The following ERC2 variants were observed in gnomAD, a reference collection of about 807,000 sequenced individuals.
ERC2 encodes ERC protein 2.
Under a neutral mutation model 114.8 loss-of-function variants are expected in ERC2, and 42 were observed. The ratio of observed to expected loss-of-function variants is 0.37; its 90% confidence interval spans 0.29 to 0.47. ERC2 has a LOEUF of 0.47. Ranked by LOEUF, ERC2 falls within the 20% of genes least tolerant of loss-of-function variation. The probability of loss-of-function intolerance (pLI) is 0.99; values close to 1 mark genes in which losing one functional copy is unlikely to be tolerated. For missense variants in ERC2, 939 were observed against 1,150.7 expected, an observed-to-expected ratio of 0.82 and a Z score of 2.66; for synonymous variants, 454 against 425.5, an observed-to-expected ratio of 1.07 and a Z score of -0.82.
chr3:56,318,961 C>CA (rs35256298), intron 2 of ERC2, among the ~76,000 whole-genome samples: 5,087 of 81,332 alleles, frequency 0.063, 278 homozygotes, highest in African/African-American at 0.17. Flanking sequence ...GACCCTGTCT[C>CA]AAAAAAAAAA....
At chr3:56,215,155 A>G (rs1422354849) in intron 3 of ERC2, among the ~76,000 whole-genome samples, 2 of 152,204 alleles carry the variant, frequency 1.3e-5, no homozygotes, top group African/African-American at 4.8e-5. Context: ...TTAACCTTAA[A>G]GGTAAATTGG....
At chr3:56,449,985 G>C (rs570111640) in intron 1 of ERC2, among the ~76,000 whole-genome samples, 1 of 152,338 alleles carries the variant, frequency 6.6e-6, no homozygotes, top group Admixed American at 6.5e-5. Context: ...TAAAACTAGA[G>C]AGAAAAATGG....
chr3:55,592,110 C>A (rs921741450), intron 17 of ERC2, among the ~76,000 whole-genome samples: 1 of 152,170 alleles, frequency 6.6e-6, no homozygotes, highest in Non-Finnish European at 1.5e-5. Context: ...GTGACTGGGC[C>A]AGACTCAGCC....
At chr3:55,615,671 C>T (rs149048419) in intron 17 of ERC2, among the ~76,000 whole-genome samples, 5 of 152,296 alleles carry the variant, frequency 3.3e-5, no homozygotes, top group African/African-American at 1.2e-4. Flanking sequence ...GTACATAACA[C>T]AGGTATTTTA....
intron 3 of ERC2, among the ~76,000 whole-genome samples, chr3:56,267,470 G>T (rs1027755880): frequency 6.6e-6 from 1 of 152,030 alleles, no homozygotes; most frequent in African/African-American, 2.4e-5. Flanking sequence ...CGGGGACAGT[G>T]GGTAAAACAG....
At chr3:56,025,610 A>C (rs77744565) in intron 7 of ERC2, among the ~76,000 whole-genome samples, 2,320 of 152,270 alleles carry the variant, frequency 0.015, 18 homozygotes, top group African/African-American at 0.032. Flanking sequence ...TCCTGCTTGG[A>C]ATATCTCTGA....
chr3:56,047,622 A>G (rs2075543093), intron 7 of ERC2, among the ~76,000 whole-genome samples: 1 of 152,242 alleles, frequency 6.6e-6, no homozygotes, highest in East Asian at 1.9e-4. Flanking sequence ...TTGAAGTGAT[A>G]CACCCAGGGA....
chr3:56,217,053 C>A (rs1263365841), intron 3 of ERC2, among the ~76,000 whole-genome samples: 1 of 152,176 alleles, frequency 6.6e-6, no homozygotes, highest in African/African-American at 2.4e-5. Flanking sequence ...GGGGCAAAAA[C>A]TGGAAGCATT....
At chr3:55,586,493 G>A (rs964077852) in intron 17 of ERC2, among the ~76,000 whole-genome samples, 1 of 152,186 alleles carries the variant, frequency 6.6e-6, no homozygotes, top group Non-Finnish European at 1.5e-5. Flanking sequence ...TAGTCATCGA[G>A]TTGGTGACCT....
chr3:55,523,349 C>CAG (rs2107219131), intron 17 of ERC2, among the ~76,000 whole-genome samples: 1 of 152,342 alleles, frequency 6.6e-6, no homozygotes, highest in Admixed American at 6.5e-5. Context: ...AATCCATGAA[C>CAG]AGAGATTCCT....
chr3:56,260,618 AG>A (rs2052853907), intron 3 of ERC2, among the ~76,000 whole-genome samples: 1 of 152,134 alleles, frequency 6.6e-6, no homozygotes, highest in Admixed American at 6.5e-5. Flanking sequence ...TGGCAGATCC[AG>A]GTTTGGCTCT....
In ERC2 at chr3:55,865,060, C is replaced by T. The variant is rs577444262; in HGVS notation, c.2564+23329G>A. On this transcript the variant is annotated intron_variant, in intron 14 of 17. Coordinates refer to ENST00000288221, the MANE Select transcript of ERC2 (RefSeq NM_015576.3). ...CGACTTTAAGCCACCCCTGCAACCA[C>T]GTCACAGGCCAAATGAATTTCTCTC... 7.9e-5 allele frequency among the ~76,000 whole-genome samples: 12 copies of T among 152,068 alleles called. No individual in the cohort carries two copies. In the East Asian group the frequency reaches 1.7e-3, roughly 22 times the overall value.
In ERC2 at chr3:56,359,141, TATC is replaced by T. The variant is rs902301923; in HGVS notation, c.658-62709_658-62707del. On this transcript the variant is annotated intron_variant, in intron 2 of 17. Transcript: ENST00000288221. ...ATATCTGCTAAAAGCCCCATCACAATATCATCATGCCTCATGTATCTAACCAGA... is the reference window on the plus strand; with the variant it reads ...ATATCTGCTAAAAGCCCCATCACAATATCATGCCTCATGTATCTAACCAGA... Among the ~76,000 whole-genome samples, 11 of 152,316 alleles carry T rather than the reference TATC, an allele frequency of 7.2e-5. No individual in the cohort carries two copies. The East Asian group carries it at 1.5e-3, about 21-fold the overall frequency.
chr3:55,877,290 T>TA (rs1174966818), intron 14 of ERC2, among the ~76,000 whole-genome samples: 1 of 151,982 alleles, frequency 6.6e-6, no homozygotes, highest in African/African-American at 2.4e-5. Context: ...CCCTGATAGG[T>TA]AAAACCACCC....
intron 2 of ERC2, among the ~76,000 whole-genome samples, chr3:56,335,424 G>C (rs2057804768): frequency 6.6e-6 from 1 of 152,094 alleles, no homozygotes; most frequent in Non-Finnish European, 1.5e-5. Context: ...TTGACTAAAA[G>C]AATTTTTTTG....
At chr3:56,224,193 A>G (rs2050105411) in intron 3 of ERC2, among the ~76,000 whole-genome samples, 2 of 152,256 alleles carry the variant, frequency 1.3e-5, no homozygotes, top group Admixed American at 1.3e-4. Context: ...TAAGCAGCAC[A>G]ACTCATTTAT....
chr3:56,152,122 G>A (rs2081443535), intron 4 of ERC2, among the ~76,000 whole-genome samples: 1 of 152,142 alleles, frequency 6.6e-6, no homozygotes, highest in South Asian at 2.1e-4. Flanking sequence ...AAAGTTCACA[G>A]AACCCAAATG....
At position 55,512,076 on chromosome 3, in the gene ERC2, T is replaced by TAC. The variant is rs376764158; in HGVS notation, c.*40-802_*40-801dup. On this transcript the variant is annotated intron_variant, in intron 17 of 17. Transcript: ENST00000288221. The stretch of plus-strand genomic sequence containing the variant: ...TGGCAGGGAGAGGAAAGATCAAACA[T>TAC]ACACACACACACTCGTGTACACACA... Among the ~76,000 whole-genome samples the TAC allele has an allele frequency of 2.6e-5, 4 of 152,040 alleles. No individual in the cohort carries two copies. In the East Asian group the frequency reaches 5.8e-4, roughly 22 times the overall value.
intron 2 of ERC2, among the ~76,000 whole-genome samples, chr3:56,408,456 G>C (rs1443482561): frequency 6.6e-6 from 1 of 151,636 alleles, no homozygotes; most frequent in Non-Finnish European, 1.5e-5. Flanking sequence ...GATTCCCTGG[G>C]GACTCCCTCC....
Sources: gnomAD v4.1 joint callset for allele counts (sites outside exome capture counted in the v4.1 genomes callset) on GRCh38, gnomAD v4.1.1 for gene constraint, MANE v1.5 for transcripts, NCBI Gene and HGNC (gene_info 2026-07-23, HGNC 2026-07-21) for gene names.